Variants in STIM1 observed in about 807,000 individuals in gnomAD.
The protein encoded by STIM1 is stromal interaction molecule 1.
A neutral mutation model predicts 74.7 loss-of-function variants in STIM1; 25 were observed. The ratio of observed to expected loss-of-function variants is 0.33; its 90% CI spans 0.24 to 0.47. The LOEUF is 0.47. Ranked by LOEUF, STIM1 falls within the 20% of genes least tolerant of loss-of-function variation. STIM1 has a pLI of 1.00. For synonymous variants in STIM1, 328 were observed against 348.8 expected (o/e 0.94, Z 0.66); for missense variants, 728 against 920.8 (o/e 0.79, Z 2.71).
intron 1 of STIM1, among the ~76,000 whole-genome samples, chr11:3,955,934 A>C (rs917576168): frequency 2.6e-5 from 4 of 151,378 alleles, no homozygotes; most frequent in Admixed American, 6.6e-5. Context: ...TTTTATTATT[A>C]TTTTTTACTG....
intron 1 of STIM1, among the ~76,000 whole-genome samples, chr11:3,907,561 CT>C (rs2092486341): frequency 6.6e-6 from 1 of 152,236 alleles, no homozygotes; most frequent in Admixed American, 6.5e-5. Context: ...AATAGCCTAA[CT>C]GATTGCCCTG....
At chr11:3,949,651 T>A (rs1412754484) in intron 1 of STIM1, among the ~76,000 whole-genome samples, 1 of 152,212 alleles carries the variant, frequency 6.6e-6, no homozygotes, top group Admixed American at 6.5e-5. Context: ...TTAAGGGAGT[T>A]TGGGAACCCT....
chr11:3,907,446 C>A (rs1202670244), intron 1 of STIM1, among the ~76,000 whole-genome samples: 1 of 152,174 alleles, frequency 6.6e-6, no homozygotes, highest in Non-Finnish European at 1.5e-5. Context: ...GTCAGCATAT[C>A]CTGTCGGTTC....
intron 2 of STIM1, 128 bp downstream of exon 2, chr11:3,967,810 T>TG: frequency 7.2e-7 from 1 of 1,384,366 alleles, no homozygotes; most frequent in Non-Finnish European, 1.0e-6. Context: ...AACTCATCCC[T>TG]ATCAGGGAAG....
chr11:3,988,752 A>T (rs2093580942), intron 2 of STIM1, among the ~76,000 whole-genome samples: 1 of 152,244 alleles, frequency 6.6e-6, no homozygotes, highest in African/African-American at 2.4e-5. Context: ...AAACAATTCT[A>T]CTAAAAAATA....
chr11:3,992,589 T>C (rs2093626796), intron 2 of STIM1, among the ~76,000 whole-genome samples: 1 of 152,222 alleles, frequency 6.6e-6, no homozygotes, highest in South Asian at 2.1e-4. Context: ...CTTGGTTGTA[T>C]CCTTTGAAGC....
At chr11:3,971,444 G>C (rs1294525740) in intron 2 of STIM1, among the ~76,000 whole-genome samples, 1 of 152,178 alleles carries the variant, frequency 6.6e-6, no homozygotes, top group African/African-American at 2.4e-5. Context: ...CAGGAGAATG[G>C]CGTGAGCCTG....
At chr11:4,073,108 C>T (rs1270272188) in intron 6 of STIM1, among the ~76,000 whole-genome samples, 1 of 105,772 alleles carries the variant, frequency 9.5e-6, no homozygotes, top group Non-Finnish European at 1.8e-5. Flanking sequence ...ACTTAATTAT[C>T]TCAGTGGTCA....
At chr11:4,023,831 C>G in intron 2 of STIM1, 42 bp from the exon 3 acceptor site, 1 of 1,531,048 alleles carries the variant, frequency 6.5e-7, no homozygotes, top group Non-Finnish European at 9.0e-7. Context: ...GACGGGCTGA[C>G]TCCTAGGTAT....
At chr11:3,902,061 G>C (rs2092363309) in intron 1 of STIM1, among the ~76,000 whole-genome samples, 1 of 152,188 alleles carries the variant, frequency 6.6e-6, no homozygotes, top group South Asian at 2.1e-4. Flanking sequence ...AGCCAATGTG[G>C]CTGGCCCCCA....
chr11:3,912,065 T>C (rs7118422), intron 1 of STIM1, among the ~76,000 whole-genome samples: 84,036 of 151,566 alleles, frequency 0.55, 24,018 homozygotes, highest in African/African-American at 0.7. Flanking sequence ...GTGAGGCTAA[T>C]AGGGGGCATC....
At chr11:4,057,759 A>G (rs967841097) in intron 4 of STIM1, among the ~76,000 whole-genome samples, 27 of 151,882 alleles carry the variant, frequency 1.8e-4, no homozygotes, top group African/African-American at 6.3e-4. Flanking sequence ...AGTCCCAGCT[A>G]CTCGGGAGGC....
chr11:3,885,503 G>A (rs1246576003), intron 1 of STIM1, among the ~76,000 whole-genome samples: 3 of 152,112 alleles, frequency 2.0e-5, no homozygotes, highest in African/African-American at 7.2e-5. Flanking sequence ...CATAATTTGA[G>A]TTTGCTGAGA....
At chr11:3,858,065 C>T (rs961642954) in intron 1 of STIM1, among the ~76,000 whole-genome samples, 4 of 152,188 alleles carry the variant, frequency 2.6e-5, no homozygotes, top group Non-Finnish European at 5.9e-5. Context: ...TCATCTCTTC[C>T]TGTCCCTGTG....
At chr11:4,008,466 A>G (rs1366716801) in intron 2 of STIM1, among the ~76,000 whole-genome samples, 1 of 152,260 alleles carries the variant, frequency 6.6e-6, no homozygotes, top group East Asian at 1.9e-4. Flanking sequence ...CACCAAACTT[A>G]CAAATAAAGA....
At chr11:3,974,247 G>T in intron 2 of STIM1, 1 of 367,424 alleles carries the variant, frequency 2.7e-6, no homozygotes, top group Non-Finnish European at 4.9e-6. Flanking sequence ...GATAGCAGTG[G>T]GAAGAGAGAC....
At chr11:3,862,876 ACACG>A (rs995842101) in intron 1 of STIM1, among the ~76,000 whole-genome samples, 54 of 150,706 alleles carry the variant, frequency 3.6e-4, no homozygotes, top group African/African-American at 1.3e-3. Context: ...ACACACACAC[ACACG>A]CACACACACA....
intron 1 of STIM1, among the ~76,000 whole-genome samples, chr11:3,882,792 C>G (rs923312834): frequency 3.9e-5 from 6 of 152,214 alleles, no homozygotes; most frequent in African/African-American, 1.4e-4. Flanking sequence ...GTTCTAGTTT[C>G]TCTACATCTT....
At chr11:4,039,313 G>A (rs1345256557) in intron 3 of STIM1, among the ~76,000 whole-genome samples, 1 of 151,994 alleles carries the variant, frequency 6.6e-6, no homozygotes, top group Non-Finnish European at 1.5e-5. Flanking sequence ...AAGAAGCTGG[G>A]CGTGGTGGCT....
Sources: gnomAD v4.1 joint callset for allele counts (sites outside exome capture counted in the v4.1 genomes callset) on GRCh38, gnomAD v4.1.1 for gene constraint, MANE v1.5 for transcripts, NCBI Gene and HGNC (gene_info 2026-07-23, HGNC 2026-07-21) for gene names.